The following SAMD3 variants were observed in gnomAD, a reference collection of about 807,000 sequenced individuals.
The protein encoded by SAMD3 is sterile alpha motif domain containing 3.
In SAMD3, 63 loss-of-function variants were observed where a neutral mutation model predicts 58.5. The observed-to-expected ratio is 1.08, with a 90% CI of 0.88 to 1.33. The LOEUF (loss-of-function observed/expected upper bound fraction) is 1.33, where lower values mean the gene tolerates loss of function less well. Ranked by LOEUF, SAMD3 falls within the 40% of genes most tolerant of loss-of-function variation. The pLI is 0.00. For missense variants in SAMD3, 604 were observed against 608.4 expected, an observed-to-expected ratio of 0.99 and a Z score of 0.08; for synonymous variants, 220 against 210.3, an observed-to-expected ratio of 1.05 and a Z score of -0.40.
chr6:130,353,346 A>G (rs1409325925), intron 1 of SAMD3, among the ~76,000 whole-genome samples: 1 of 152,222 alleles, frequency 6.6e-6, no homozygotes, highest in Non-Finnish European at 1.5e-5. Flanking sequence ...GGTCAAACCT[A>G]GAGGGGAGGA....
At chr6:130,191,218 A>C (rs1421639829) in intron 5 of SAMD3, among the ~76,000 whole-genome samples, 1 of 152,092 alleles carries the variant, frequency 6.6e-6, no homozygotes, top group Non-Finnish European at 1.5e-5. Flanking sequence ...TTTACTATGC[A>C]GTGAGAGTTT....
chr6:130,148,305 G>A (rs1468502462), intron 9 of SAMD3, among the ~76,000 whole-genome samples: 1 of 152,066 alleles, frequency 6.6e-6, no homozygotes, highest in Non-Finnish European at 1.5e-5. Flanking sequence ...TACCCAAACG[G>A]TTACAAATCT....
At chr6:130,261,701 T>C (rs1774145593) in intron 2 of SAMD3, among the ~76,000 whole-genome samples, 1 of 152,170 alleles carries the variant, frequency 6.6e-6, no homozygotes, top group Non-Finnish European at 1.5e-5. Context: ...TAAAGGAGAC[T>C]ATGTAGTACT....
intron 2 of SAMD3, among the ~76,000 whole-genome samples, chr6:130,277,655 C>A (rs915214307): frequency 2.0e-5 from 3 of 152,090 alleles, no homozygotes; most frequent in African/African-American, 7.2e-5. Flanking sequence ...ATGAATGCCC[C>A]AGGTACAGAT....
intron 2 of SAMD3, among the ~76,000 whole-genome samples, chr6:130,269,200 T>C (rs1325717215): frequency 6.6e-6 from 1 of 152,202 alleles, no homozygotes; most frequent in African/African-American, 2.4e-5. Flanking sequence ...TCCAGCACCA[T>C]TTGTCGCAAA....
At chr6:130,263,897 C>T (rs899705881) in intron 2 of SAMD3, among the ~76,000 whole-genome samples, 1 of 152,146 alleles carries the variant, frequency 6.6e-6, no homozygotes, top group Non-Finnish European at 1.5e-5. Flanking sequence ...GTCCAACATT[C>T]TGTGGACCAC....
At chr6:130,262,630 A>G (rs1248730451) in intron 2 of SAMD3, among the ~76,000 whole-genome samples, 2 of 152,072 alleles carry the variant, frequency 1.3e-5, no homozygotes, top group Non-Finnish European at 2.9e-5. Context: ...GAAATGTTGT[A>G]TAATTTAAAA....
intron 5 of SAMD3, among the ~76,000 whole-genome samples, chr6:130,191,962 T>G (rs75360888): frequency 0.022 from 3,421 of 152,328 alleles, 47 homozygotes; most frequent in Non-Finnish European, 0.027. Flanking sequence ...CTTCGCTTAC[T>G]TTGTTGCCCT....
At chr6:130,224,063 G>T (rs1009816886), upstream of SAMD3, among the ~76,000 whole-genome samples, 1 of 152,116 alleles carries the variant, frequency 6.6e-6, no homozygotes, top group African/African-American at 2.4e-5. Flanking sequence ...AAGGGGAATG[G>T]AATGGGAAGG....
chr6:130,162,244 AG>A (rs1476408585), intron 8 of SAMD3: 1 of 701,892 alleles, frequency 1.4e-6, no homozygotes, highest in Non-Finnish European at 2.6e-6. Flanking sequence ...AGCAGAGCAT[AG>A]TTCTAGCCAA....
intron 8 of SAMD3, chr6:130,161,406 G>C (rs1790270586): frequency 6.6e-6 from 1 of 152,096 alleles, no homozygotes; most frequent in Non-Finnish European, 1.5e-5. Context: ...TTGACATTTA[G>C]ATATTACTGT....
intron 5 of SAMD3, among the ~76,000 whole-genome samples, chr6:130,198,783 G>C (rs1046468673): frequency 2.0e-5 from 3 of 152,108 alleles, no homozygotes; most frequent in Admixed American, 2.0e-4. Flanking sequence ...ATTACAAAAA[G>C]GTCAGACACG....
intron 5 of SAMD3, among the ~76,000 whole-genome samples, chr6:130,191,333 C>A (rs753822942): frequency 6.6e-6 from 1 of 152,112 alleles, no homozygotes; most frequent in Non-Finnish European, 1.5e-5. Flanking sequence ...CAGGCCCATC[C>A]CTTAATTATC....
At chr6:130,200,493 G>A (rs535928642) in intron 5 of SAMD3, among the ~76,000 whole-genome samples, 2 of 139,600 alleles carry the variant, frequency 1.4e-5, no homozygotes, top group South Asian at 4.5e-4. Context: ...AGCTTGCAGT[G>A]AGCCGAGATC....
At chr6:130,206,585 A>G (rs1486550031) in intron 5 of SAMD3, among the ~76,000 whole-genome samples, 1 of 152,190 alleles carries the variant, frequency 6.6e-6, no homozygotes, top group Admixed American at 6.5e-5. Context: ...TTACTGCCAA[A>G]TATATACTAA....
chr6:130,361,595 A>G (rs966650851), intron 1 of SAMD3, among the ~76,000 whole-genome samples: 3 of 152,224 alleles, frequency 2.0e-5, no homozygotes, highest in Admixed American at 6.5e-5. Context: ...GATCTAATAA[A>G]ATTGTTAAGA....
In SAMD3 at chr6:130,244,777, AT is replaced by A. The variant is rs1483380533; in HGVS notation, c.-187-21965del. Among the ~76,000 whole-genome samples, 358 of 150,942 alleles carry A rather than the reference AT, an allele frequency of 2.4e-3. 1 individual carries two copies. Among genetic ancestry groups the A allele is most frequent in the African/African-American group, 8.5e-3 (345 of 40,666 alleles). Reference sequence around the variant, plus strand: ...AATAAAAATAAAAATAAAAATAAAAATAAAAATAAAGCACAATAGTGTGCAG... The same window carrying A: ...AATAAAAATAAAAATAAAAATAAAAAAAAAATAAAGCACAATAGTGTGCAG... On this transcript the variant is annotated intron_variant, in intron 2 of 13. Transcript: ENST00000368134.
upstream of SAMD3, among the ~76,000 whole-genome samples, chr6:130,227,144 C>A (rs1796403239): frequency 6.6e-6 from 1 of 152,158 alleles, no homozygotes; most frequent in Non-Finnish European, 1.5e-5. Flanking sequence ...CAGCCCTAGT[C>A]CCTGATGACC....
intron 5 of SAMD3, among the ~76,000 whole-genome samples, chr6:130,193,087 G>A (rs1409829343): frequency 6.6e-6 from 1 of 152,116 alleles, no homozygotes; most frequent in African/African-American, 2.4e-5. Flanking sequence ...TTGCAGGGAC[G>A]CCTCTCTGAT....
Sources: gnomAD v4.1 joint callset for allele counts (sites outside exome capture counted in the v4.1 genomes callset) on GRCh38, gnomAD v4.1.1 for gene constraint, MANE v1.5 for transcripts, NCBI Gene and HGNC (gene_info 2026-07-23, HGNC 2026-07-21) for gene names.